TATDN3: variants seen among roughly 807,000 people sequenced by gnomAD.
TATDN3 encodes the protein TatD DNase domain containing 3.
In TATDN3, 29 loss-of-function variants were observed where a neutral mutation model predicts 40.1. The observed-to-expected ratio is 0.72, with a 90% CI of 0.54 to 0.99. TATDN3 has a LOEUF of 0.99. TATDN3 is among the 50% of genes least tolerant of loss of function. TATDN3 has a pLI of 0.00. For missense variants in TATDN3, 309 were observed against 321.9 expected, an observed-to-expected ratio of 0.96 and a Z score of 0.31; for synonymous variants, 105 against 117.0, an observed-to-expected ratio of 0.90 and a Z score of 0.66.
chr1:212,813,963 C>T (rs1034897597), intron 9 of TATDN3, among the ~76,000 whole-genome samples: 2 of 145,510 alleles, frequency 1.4e-5, no homozygotes, highest in Non-Finnish European at 1.5e-5. Context: ...ATGTGGTAAA[C>T]CTCTGTATAT....
chr1:212,792,520 A>T (rs1438913518), intron 1 of TATDN3, among the ~76,000 whole-genome samples: 1 of 149,082 alleles, frequency 6.7e-6, no homozygotes, highest in Non-Finnish European at 1.5e-5. Context: ...CTGTGGTCCC[A>T]GCTACTCGGG....
chr1:212,814,941 C>A, intron 9 of TATDN3, 72 bp from the exon 10 acceptor site: 1 of 1,466,802 alleles, frequency 6.8e-7, no homozygotes, highest in South Asian at 1.5e-5. Context: ...TCATTTTCTT[C>A]TATCTATAGT....
At chr1:212,799,199 G>A (rs904952526) in intron 4 of TATDN3, among the ~76,000 whole-genome samples, 1 of 151,940 alleles carries the variant, frequency 6.6e-6, no homozygotes. Flanking sequence ...TCTCATACAG[G>A]ACCTTGTTGG....
chr1:212,804,518 T>G, intron 6 of TATDN3, 78 bp from the exon 7 acceptor site: 8 of 1,560,456 alleles, frequency 5.1e-6, no homozygotes, highest in Non-Finnish European at 7.0e-6. Flanking sequence ...ACATTTATTT[T>G]TCTCCAAACT....
intron 1 of TATDN3, among the ~76,000 whole-genome samples, chr1:212,792,632 C>CAAAAAAAAAAA (rs752952752): frequency 0.038 from 2,804 of 74,578 alleles, 107 homozygotes; most frequent in African/African-American, 0.06. Flanking sequence ...GACCCTGTCT[C>CAAAAAAAAAAA]AAAAAAAAAA....
At chr1:212,794,695 AGTCT>A in intron 1 of TATDN3, 1 of 461,132 alleles carries the variant, frequency 2.2e-6, no homozygotes, top group Non-Finnish European at 4.3e-6. Flanking sequence ...ATGTTCTTGA[AGTCT>A]GAAAGAGGAA....
intron 1 of TATDN3, among the ~76,000 whole-genome samples, chr1:212,793,332 C>G (rs887502259): frequency 3.3e-5 from 5 of 152,134 alleles, no homozygotes; most frequent in Non-Finnish European, 5.9e-5. Flanking sequence ...CCTGTCTCAG[C>G]CTCCCAAGTA....
At position 212,807,821 on chromosome 1, in the gene TATDN3, T is replaced by TC; in HGVS notation, c.578dup (p.Ser194PhefsTer38). On this transcript the variant is annotated frameshift_variant, in exon 8 of 10. Coordinates refer to ENST00000366974, the MANE Select transcript of TATDN3 (RefSeq NM_001042552.3). LOFTEE classifies it high-confidence loss of function. ...TAAGAGCTGGGTACTTCTTCTCAAT[T>TC]CCCCCTTCTATCATAAGAAGTGGAC... is the stretch of plus-strand genomic sequence containing the variant. 1 of 1,613,296 alleles carries TC rather than the reference T, an allele frequency of 6.2e-7. No homozygotes were observed. Among genetic ancestry groups the TC allele is most frequent in the Non-Finnish European group, 8.5e-7 (1 of 1,179,684 alleles).
intron 7 of TATDN3, among the ~76,000 whole-genome samples, chr1:212,805,322 C>T (rs1428564763): frequency 6.6e-6 from 1 of 152,120 alleles, no homozygotes; most frequent in Non-Finnish European, 1.5e-5. Context: ...GTGGCGCAAT[C>T]TTGGCTCACT....
chr1:212,809,640 G>A (rs961016344), intron 8 of TATDN3, among the ~76,000 whole-genome samples: 5 of 151,354 alleles, frequency 3.3e-5, no homozygotes, highest in African/African-American at 4.9e-5. Context: ...AGCCGAGATC[G>A]CGCCACTGCA....
rs1437701903 is a variant in TATDN3 at position 212,807,724 on chromosome 1, C to G, written c.488-12C>G. 6.3e-7 allele frequency: 1 copy of G among 1,583,070 alleles called. No homozygotes were observed. Among genetic ancestry groups the G allele is most frequent in the Admixed American group, 2.0e-5 (1 of 51,086 alleles). On this transcript the variant is annotated splice_polypyrimidine_tract_variant and intron_variant, in intron 7 of 9. Transcript: ENST00000366974. ...TAAAATGGAATACTGCCTTATCTTT[C>G]ATTTTTGAAAGGTGCTGAGAAGGTA...
chr1:212,802,624 C>A, intron 4 of TATDN3, 77 bp from the exon 5 acceptor site: 2 of 952,480 alleles, frequency 2.1e-6, no homozygotes, highest in Non-Finnish European at 1.7e-6. Flanking sequence ...GATGGCATAG[C>A]ACCTAGCACA....
chr1:212,811,709 TA>T (rs1271268225), intron 8 of TATDN3, among the ~76,000 whole-genome samples: 2 of 149,198 alleles, frequency 1.3e-5, no homozygotes, highest in South Asian at 2.1e-4. Context: ...TTATTATTAT[TA>T]TTTTTTTTTT....
intron 2 of TATDN3, 58 bp downstream of exon 2, chr1:212,795,185 C>CA (rs1365523735): frequency 7.5e-7 from 1 of 1,331,682 alleles, no homozygotes; most frequent in East Asian, 2.3e-5. Context: ...CATTTCAAGC[C>CA]AAAACAGCTT....
chr1:212,793,152 G>A (rs76607082), intron 1 of TATDN3, among the ~76,000 whole-genome samples: 3,470 of 152,300 alleles, frequency 0.023, 63 homozygotes, highest in South Asian at 0.042. Flanking sequence ...GGTCAGTAAG[G>A]AATTTGGATT....
rs1663184574 is a variant in TATDN3, at chr1:212,816,362, T to TC, written c.*1206_*1207insC. 1 of 152,154 alleles carries TC rather than the reference T, an allele frequency of 6.6e-6. No homozygotes were observed. Among genetic ancestry groups the TC allele is most frequent in the Non-Finnish European group, 1.5e-5 (1 of 68,024 alleles). The allele number at this position is 152,154 out of a possible 1,614,324, so 9.4% of individuals were successfully genotyped here. A position where few individuals can be genotyped will look rare whatever the true frequency, so the allele number is the denominator to read the frequency against. ...TCAAAAAAATTAAAAATCTCAAGTG[T>TC]AAAAACAGTTCTGTAGATAGATGGT... On this transcript the variant is annotated 3_prime_UTR_variant, in exon 10 of 10. Transcript: ENST00000366974.
At chr1:212,796,274 C>T (rs538484576) in intron 2 of TATDN3, among the ~76,000 whole-genome samples, 1 of 152,238 alleles carries the variant, frequency 6.6e-6, no homozygotes, top group Middle Eastern at 3.4e-3. Flanking sequence ...AAAACTCTGT[C>T]TCCTGATCTA....
At chr1:212,806,877 CATATGTATATACACATATAT>C (rs1662563349) in intron 7 of TATDN3, among the ~76,000 whole-genome samples, 1 of 89,276 alleles carries the variant, frequency 1.1e-5, no homozygotes, top group African/African-American at 5.3e-5. Context: ...CACATATATA[CATATGTATATACACATATAT>C]ACATATGTAT....
intron 3 of TATDN3, chr1:212,796,876 A>G: frequency 2.0e-6 from 1 of 487,954 alleles, no homozygotes; most frequent in Non-Finnish European, 3.6e-6. Flanking sequence ...AGCTGGGTCT[A>G]AAGCATGCAC....
Sources: gnomAD v4.1 joint callset for allele counts (sites outside exome capture counted in the v4.1 genomes callset) on GRCh38, gnomAD v4.1.1 for gene constraint, MANE v1.5 for transcripts, NCBI Gene and HGNC (gene_info 2026-07-23, HGNC 2026-07-21) for gene names.